Variants in NREP observed in about 807,000 individuals in gnomAD.
NREP encodes the protein neuronal regeneration related protein.
A neutral mutation model predicts 8.6 loss-of-function variants in NREP; 5 were observed. The observed-to-expected ratio is 0.58, with a 90% CI of 0.30 to 1.22. The LOEUF (loss-of-function observed/expected upper bound fraction) is 1.22, where lower values mean the gene tolerates loss of function less well. NREP is among the 50% of genes most tolerant of loss of function. NREP has a pLI of 0.07. For synonymous variants in NREP, 27 were observed against 28.0 expected (o/e 0.96, Z 0.11); for missense variants, 86 against 82.5 (o/e 1.04, Z -0.17).
At chr5:111,920,644 G>C (rs1755211722) in intron 2 of NREP, among the ~76,000 whole-genome samples, 1 of 152,146 alleles carries the variant, frequency 6.6e-6, no homozygotes, top group South Asian at 2.1e-4. Context: ...TTATAGACAA[G>C]CTGGTGTGGA....
In NREP at chr5:111,896,539, C is replaced by T. The variant is rs117873792; in HGVS notation, c.135+78735G>A. Reference sequence around the variant, plus strand: ...TACACCATATAAAAACGACTAATATCCAGAAGCCTATGTTCACAAAGGTAA... The same window carrying T: ...TACACCATATAAAAACGACTAATATTCAGAAGCCTATGTTCACAAAGGTAA... On this transcript the variant is annotated intron_variant, in intron 2 of 3. Coordinates refer to the NREP transcript ENST00000395634. Among the ~76,000 whole-genome samples the T allele has an allele frequency of 2.1e-3, 317 of 152,206 alleles. 9 individuals carry two copies. In the East Asian group the frequency reaches 0.043, roughly 21 times the overall value.
At chr5:111,915,447 G>A (rs763308851) in intron 2 of NREP, among the ~76,000 whole-genome samples, 1 of 151,916 alleles carries the variant, frequency 6.6e-6, no homozygotes, top group Non-Finnish European at 1.5e-5. Flanking sequence ...GAGTCATTTT[G>A]GTGAGGCTAC....
At chr5:111,803,080 G>T (rs1335868016) in intron 2 of NREP, among the ~76,000 whole-genome samples, 2 of 152,150 alleles carry the variant, frequency 1.3e-5, no homozygotes, top group Non-Finnish European at 2.9e-5. Context: ...TTTAGATAAG[G>T]TGATTTTAAT....
At position 111,804,582 on chromosome 5, in the gene NREP, T is replaced by C. The variant is rs1043463040; in HGVS notation, c.136-69075A>G. On this transcript the variant is annotated intron_variant, in intron 2 of 3. Coordinates refer to the NREP transcript ENST00000395634. ...AATTTTTCATGCAGAAAATAATTTG[T>C]CCAAAAATCAAGGACACAGGTAAAT... 3.3e-5 allele frequency among the ~76,000 whole-genome samples: 5 copies of C among 152,098 alleles called. No individual in the cohort carries two copies. The South Asian group carries it at 6.2e-4, about 19-fold the overall frequency.
intron 2 of NREP, among the ~76,000 whole-genome samples, chr5:111,911,239 C>T (rs1754904877): frequency 6.6e-6 from 1 of 152,058 alleles, no homozygotes; most frequent in South Asian, 2.1e-4. Flanking sequence ...TATCTGCATC[C>T]AGAGTTCTGG....
intron 2 of NREP, among the ~76,000 whole-genome samples, chr5:111,811,793 C>G (rs1279159212): frequency 6.6e-6 from 1 of 151,972 alleles, no homozygotes; most frequent in Non-Finnish European, 1.5e-5. Context: ...GGGTTTTTTT[C>G]TATACAGTGA....
chr5:111,961,182 G>C (rs191036128), intron 2 of NREP, among the ~76,000 whole-genome samples: 1 of 152,320 alleles, frequency 6.6e-6, no homozygotes. Flanking sequence ...AAGGTTCCCT[G>C]GCTGTCAGTC....
At chr5:111,963,367 G>C (rs1191219439) in intron 2 of NREP, among the ~76,000 whole-genome samples, 1 of 152,240 alleles carries the variant, frequency 6.6e-6, no homozygotes, top group Non-Finnish European at 1.5e-5. Context: ...AAGCATCTCA[G>C]AGAAACTCTC....
At chr5:111,750,318 G>A (rs1379398758) in intron 2 of NREP, among the ~76,000 whole-genome samples, 2 of 152,170 alleles carry the variant, frequency 1.3e-5, no homozygotes, top group African/African-American at 2.4e-5. Flanking sequence ...CTAAGTCCTA[G>A]AAATAAAAAG....
At chr5:111,757,445 C>T (rs1750797847), upstream of NREP, 1 of 984,586 alleles carries the variant, frequency 1.0e-6, no homozygotes, top group African/African-American at 1.7e-5. Flanking sequence ...TCTCCCTTTC[C>T]CTCTCTCTCC....
At chr5:111,845,964 C>CCA (rs1178576526) in intron 2 of NREP, 8 of 152,346 alleles carry the variant, frequency 5.3e-5, no homozygotes, top group Non-Finnish European at 1.0e-4. Flanking sequence ...ATTTAGTATG[C>CCA]TTTGTATTAC....
intron 2 of NREP, among the ~76,000 whole-genome samples, chr5:111,821,936 C>A (rs2112925161): frequency 6.6e-6 from 1 of 152,174 alleles, no homozygotes; most frequent in South Asian, 2.1e-4. Flanking sequence ...GAATATGCTG[C>A]TTTGTAAACA....
At chr5:111,898,424 T>C (rs1754565568) in intron 2 of NREP, among the ~76,000 whole-genome samples, 3 of 152,164 alleles carry the variant, frequency 2.0e-5, no homozygotes, top group Admixed American at 2.0e-4. Context: ...CTGGCCTAAG[T>C]AATTGTTACC....
intron 2 of NREP, among the ~76,000 whole-genome samples, chr5:111,894,367 G>A (rs1581198701): frequency 6.6e-6 from 1 of 152,030 alleles, no homozygotes; most frequent in East Asian, 1.9e-4. Context: ...AAAAAAACTG[G>A]CCTCTTTTAA....
rs1159068009 is a variant in NREP, at chr5:111,729,727, GTAATT to G, written c.*1189_*1193del. The G allele has an allele frequency of 6.6e-6, 1 of 152,550 alleles. No homozygotes were observed. The highest frequency in any genetic ancestry group is 2.4e-5 in the African/African-American group (1 of 41,392). 9.4% of individuals were successfully genotyped at this position (152,550 alleles called of 1,614,324 possible). On this transcript the variant is annotated 3_prime_UTR_variant, in exon 4 of 4. Coordinates refer to ENST00000257435, the MANE Select transcript of NREP (RefSeq NM_004772.4). ...CACAACAACATTCCATGAGTAGATG[GTAATT>G]TATTTTTGTTTATCCATTTCGTTGG...
At chr5:111,788,557 A>G (rs1751667983) in intron 2 of NREP, among the ~76,000 whole-genome samples, 1 of 152,204 alleles carries the variant, frequency 6.6e-6, no homozygotes, top group African/African-American at 2.4e-5. Flanking sequence ...TCAGTCTCAC[A>G]TGCACCCAGA....
chr5:111,808,535 G>T (rs964263820), intron 2 of NREP, among the ~76,000 whole-genome samples: 1 of 152,176 alleles, frequency 6.6e-6, no homozygotes, highest in Non-Finnish European at 1.5e-5. Context: ...TGTTACTTAA[G>T]AATAACTAAT....
intron 2 of NREP, among the ~76,000 whole-genome samples, chr5:111,954,102 C>T (rs2112639741): frequency 6.6e-6 from 1 of 152,254 alleles, no homozygotes; most frequent in South Asian, 2.1e-4. Context: ...TTAAGTCTCT[C>T]ATGATCTATC....
chr5:111,940,265 CA>C (rs2112614805), intron 2 of NREP: 1 of 152,140 alleles, frequency 6.6e-6, no homozygotes, highest in Admixed American at 6.5e-5. Context: ...ATACCAAAAA[CA>C]AAATATAGTT....
Sources: gnomAD v4.1 joint callset for allele counts (sites outside exome capture counted in the v4.1 genomes callset) on GRCh38, gnomAD v4.1.1 for gene constraint, MANE v1.5 for transcripts, NCBI Gene and HGNC (gene_info 2026-07-23, HGNC 2026-07-21) for gene names.